Variants in MKX observed in about 807,000 individuals in gnomAD.
MKX encodes the protein homeobox protein Mohawk.
Under a neutral mutation model 36.0 loss-of-function variants are expected in MKX, and 13 were observed. That is an observed-to-expected ratio of 0.36 (90% CI 0.24 to 0.57). The LOEUF (loss-of-function observed/expected upper bound fraction) is 0.57. Among genes scored for constraint, MKX ranks in the 20% least tolerant of loss-of-function variants. The pLI, the probability that MKX is intolerant of heterozygous loss-of-function variation, is 0.79. For missense variants in MKX, 458 were observed against 456.4 expected, an observed-to-expected ratio of 1.00 and a Z score of -0.03; for synonymous variants, 176 against 178.3, an observed-to-expected ratio of 0.99 and a Z score of 0.10.
At chr10:27,711,481 T>TTCTTTCTCTCTCTCTC (rs1554772187) in intron 5 of MKX, among the ~76,000 whole-genome samples, 3 of 17,682 alleles carry the variant, frequency 1.7e-4, no homozygotes, top group African/African-American at 4.8e-4. Flanking sequence ...CTTTCTTTCT[T>TTCTTTCTCTCTCTCTC]TCTCTCTCTC....
chr10:27,721,729 C>CTAT (rs1834384273), intron 5 of MKX, among the ~76,000 whole-genome samples: 1 of 152,076 alleles, frequency 6.6e-6, no homozygotes, highest in South Asian at 2.1e-4. Flanking sequence ...CCACGGCACA[C>CTAT]GTTAACCTAT....
At chr10:27,687,274 G>A (rs1401338080) in intron 5 of MKX, among the ~76,000 whole-genome samples, 1 of 152,186 alleles carries the variant, frequency 6.6e-6, no homozygotes, top group African/African-American at 2.4e-5. Context: ...AAAATGCTGG[G>A]ATTACAGGCG....
intron 5 of MKX, among the ~76,000 whole-genome samples, chr10:27,682,913 A>G (rs1836280238): frequency 6.6e-6 from 1 of 151,696 alleles, no homozygotes; most frequent in South Asian, 2.1e-4. Context: ...TGGGAGGCAG[A>G]GGTGGCAGTG....
At chr10:27,687,588 T>C (rs1836380371) in intron 5 of MKX, among the ~76,000 whole-genome samples, 1 of 152,156 alleles carries the variant, frequency 6.6e-6, no homozygotes, top group Non-Finnish European at 1.5e-5. Context: ...TCTGGGCCAG[T>C]GGAGGTGCAG....
intron 5 of MKX, among the ~76,000 whole-genome samples, chr10:27,694,085 C>T (rs554805267): frequency 1.3e-5 from 2 of 152,238 alleles, no homozygotes; most frequent in South Asian, 2.1e-4. Flanking sequence ...TCTCCAGCCA[C>T]GTGGAACTGG....
At chr10:27,718,935 T>G (rs1363137854) in intron 5 of MKX, among the ~76,000 whole-genome samples, 1 of 152,182 alleles carries the variant, frequency 6.6e-6, no homozygotes, top group East Asian at 1.9e-4. Context: ...ATTCAGAATC[T>G]ATGCTTAACT....
At chr10:27,704,954 G>T (rs1836723024) in intron 5 of MKX, among the ~76,000 whole-genome samples, 1 of 151,914 alleles carries the variant, frequency 6.6e-6, no homozygotes, top group Non-Finnish European at 1.5e-5. Context: ...AATATTACAG[G>T]CTCATCTCCC....
In MKX at chr10:27,679,544, A is replaced by G. The variant is rs532842112; in HGVS notation, c.839-3990T>C. 3.1e-4 allele frequency among the ~76,000 whole-genome samples: 47 copies of G among 152,312 alleles called. 1 individual carries two copies. The highest frequency in any genetic ancestry group is 1.9e-3 in the South Asian group (9 of 4,832). ...TGAGTCCAAGTGCCACCTCCTGTGG[A>G]GTAACGTGTTCTGGTTCCCAGAATA... is the stretch of plus-strand genomic sequence containing the variant. On this transcript the variant is annotated intron_variant, in intron 5 of 6. Coordinates refer to ENST00000419761, the MANE Select transcript of MKX (RefSeq NM_173576.3).
Position 27,743,588 on chromosome 10 carries a change from G to C in MKX, c.-82-91C>G, listed in dbSNP as rs959222633. On this transcript the variant is annotated intron_variant, in intron 1 of 6. Transcript: ENST00000419761. ...GCCTTGAACTTGGCCGGGTCGCCGGGCTGCGGAGCCGAGGGGAGGAGCGGC... is the reference window on the plus strand; with the variant it reads ...GCCTTGAACTTGGCCGGGTCGCCGGCCTGCGGAGCCGAGGGGAGGAGCGGC... The C allele has an allele frequency of 5.7e-6, 4 of 698,552 alleles. No homozygotes were observed. In the African/African-American group the frequency reaches 7.7e-5, roughly 13 times the overall value. The allele number at this position is 698,552 out of a possible 1,614,324, so 43.3% of individuals were successfully genotyped here. A position where few individuals can be genotyped will look rare whatever the true frequency, so the allele number is the denominator to read the frequency against.
At chr10:27,735,786 G>A (rs1333674250) in intron 3 of MKX, among the ~76,000 whole-genome samples, 1 of 152,124 alleles carries the variant, frequency 6.6e-6, no homozygotes, top group Non-Finnish European at 1.5e-5. Flanking sequence ...GTGAGCCTTT[G>A]AAGAAAGTCC....
chr10:27,691,333 G>C (rs1836450105), intron 5 of MKX, among the ~76,000 whole-genome samples: 1 of 152,048 alleles, frequency 6.6e-6, no homozygotes, highest in Non-Finnish European at 1.5e-5. Context: ...GAGGGTGAAG[G>C]GGCTACCCTA....
At chr10:27,738,254 G>A (rs769821263) in intron 3 of MKX, among the ~76,000 whole-genome samples, 3 of 151,972 alleles carry the variant, frequency 2.0e-5, no homozygotes, top group Non-Finnish European at 4.4e-5. Flanking sequence ...TCTTTAATGT[G>A]TATTTGCAGT....
At chr10:27,691,117 C>T (rs1398313647) in intron 5 of MKX, among the ~76,000 whole-genome samples, 1 of 152,176 alleles carries the variant, frequency 6.6e-6, no homozygotes, top group Non-Finnish European at 1.5e-5. Flanking sequence ...TTATAAATGA[C>T]CCAGTCTCAG....
At chr10:27,678,061 G>A (rs2637334) in intron 5 of MKX, among the ~76,000 whole-genome samples, 31,517 of 152,178 alleles carry the variant, frequency 0.21, 4,091 homozygotes, top group Non-Finnish European at 0.29. Context: ...CACTTACTAC[G>A]TGCCAGGCAC....
chr10:27,684,727 T>A (rs992138654), intron 5 of MKX, among the ~76,000 whole-genome samples: 7 of 152,246 alleles, frequency 4.6e-5, no homozygotes, highest in Non-Finnish European at 5.9e-5. Flanking sequence ...TATTAAGCAG[T>A]GCAAATGTTG....
Position 27,675,332 on chromosome 10 carries a change from T to G in MKX, c.956A>C (p.Gln319Pro). 3 of 1,614,228 alleles carry G rather than the reference T, an allele frequency of 1.9e-6. No homozygotes were observed. The highest frequency in any genetic ancestry group is 1.3e-5 in the African/African-American group (1 of 75,064). ...NAAMALTNLA[Q>P]GKDKLQGTTS... ...AGTTCCCTGCAGTTTGTCCTTTCCC[T>G]GTGCAAGATTTGTTAAGGCCATAGC... The change falls in exon 7 of 7, where the codon CAG becomes CCG. Residue 319 changes from glutamine (Q) to proline (P), a missense_variant. By Grantham distance (76) the Gln-to-Pro change is moderately conservative. This residue lies in a region of MKX where 297 missense variants were observed against 304.4 expected (regional missense o/e 0.98). Coordinates refer to ENST00000419761, the MANE Select transcript of MKX (RefSeq NM_173576.3).
intron 5 of MKX, among the ~76,000 whole-genome samples, chr10:27,709,900 T>C (rs1188084758): frequency 2.0e-5 from 3 of 152,184 alleles, no homozygotes; most frequent in Non-Finnish European, 2.9e-5. Context: ...AAAGAAAAAG[T>C]GAAAGTATTT....
chr10:27,739,145 C>T (rs1487478496), intron 3 of MKX, among the ~76,000 whole-genome samples: 1 of 152,038 alleles, frequency 6.6e-6, no homozygotes, highest in Non-Finnish European at 1.5e-5. Flanking sequence ...GTTCCATATC[C>T]TGCAATAATA....
intron 5 of MKX, among the ~76,000 whole-genome samples, chr10:27,691,508 GCC>G (rs1191839935): frequency 6.6e-6 from 1 of 152,066 alleles, no homozygotes; most frequent in Non-Finnish European, 1.5e-5. Flanking sequence ...GGGCCAACTA[GCC>G]ATCTTACGCC....
Sources: gnomAD v4.1 joint callset for allele counts (sites outside exome capture counted in the v4.1 genomes callset) on GRCh38, gnomAD v4.1.1 for gene constraint, gnomAD v4.1.1 regional missense constraint, MANE v1.5 for transcripts, NCBI Gene and HGNC (gene_info 2026-07-23, HGNC 2026-07-21) for gene names.